DYRK1A: variants seen among roughly 807,000 people sequenced by gnomAD.
The protein encoded by DYRK1A is dual specificity tyrosine-phosphorylation-regulated kinase 1A.
A neutral mutation model predicts 79.7 loss-of-function variants in DYRK1A; 9 were observed. The observed-to-expected ratio is 0.11, with a 90% CI of 0.07 to 0.20. DYRK1A has a LOEUF of 0.20. Ranked by LOEUF, DYRK1A falls within the 10% of genes least tolerant of loss-of-function variation. The pLI is 1.00. For synonymous variants in DYRK1A, 349 were observed against 329.7 expected (o/e 1.06, Z -0.63); for missense variants, 622 against 956.0 (o/e 0.65, Z 4.61).
At chr21:37,440,195 G>C (rs148323707) in intron 2 of DYRK1A, among the ~76,000 whole-genome samples, 1,325 of 124,796 alleles carry the variant, frequency 0.011, 25 homozygotes, top group African/African-American at 0.036. Context: ...GAGTGCAGTG[G>C]TGTGATCTCG....
chr21:37,391,212 G>A (rs1047922761), intron 1 of DYRK1A, among the ~76,000 whole-genome samples: 4 of 152,178 alleles, frequency 2.6e-5, no homozygotes, highest in African/African-American at 9.7e-5. Context: ...GTGTGTGGGC[G>A]CTCCTCGGCT....
chr21:37,416,419 T>C (rs1464487708), intron 1 of DYRK1A, among the ~76,000 whole-genome samples: 2 of 150,080 alleles, frequency 1.3e-5, no homozygotes, highest in Non-Finnish European at 3.0e-5. Context: ...AATCCTCCTA[T>C]ATAACTGCTT....
rs867769868 is a variant in DYRK1A, at chr21:37,417,538, T to C, written c.-76-2761T>C. ...TTTTCTTTTTCTTTTTCTTTTTTTT[T>C]TTTTTTTTTTTTTTTTACAAATCTT... On this transcript the variant is annotated intron_variant, in intron 1 of 11. Coordinates refer to ENST00000647188, the MANE Select transcript of DYRK1A (RefSeq NM_001347721.2). Among the ~76,000 whole-genome samples, 797 of 99,852 alleles carry C rather than the reference T, an allele frequency of 8.0e-3. 9 individuals are homozygous for C. The highest frequency in any genetic ancestry group is 0.027 in the African/African-American group (745 of 27,468). 65.5% of individuals were successfully genotyped at this position (99,852 alleles called of 152,430 possible).
intron 1 of DYRK1A, among the ~76,000 whole-genome samples, chr21:37,401,238 A>G (rs917595459): frequency 5.3e-5 from 8 of 152,192 alleles, no homozygotes; most frequent in African/African-American, 1.9e-4. Flanking sequence ...AATATAGCCC[A>G]TTGTGAATAA....
chr21:37,454,219 A>G (rs1051401875), intron 2 of DYRK1A, among the ~76,000 whole-genome samples: 1 of 150,402 alleles, frequency 6.6e-6, no homozygotes, highest in Non-Finnish European at 1.5e-5. Flanking sequence ...CAGCCTGCCA[A>G]ATAGCTGGGA....
intron 2 of DYRK1A, among the ~76,000 whole-genome samples, chr21:37,450,841 C>G (rs930021648): frequency 6.6e-6 from 1 of 152,196 alleles, no homozygotes; most frequent in Non-Finnish European, 1.5e-5. Flanking sequence ...TGAGAGCATG[C>G]TGATGGCTTT....
chr21:37,460,274 C>T (rs2051796079), intron 2 of DYRK1A, among the ~76,000 whole-genome samples: 1 of 152,050 alleles, frequency 6.6e-6, no homozygotes. Context: ...TAAAAATCTC[C>T]TAATGGCAGA....
intron 2 of DYRK1A, among the ~76,000 whole-genome samples, chr21:37,451,746 C>G (rs1230077155): frequency 1.3e-5 from 2 of 152,128 alleles, no homozygotes; most frequent in African/African-American, 4.8e-5. Flanking sequence ...AATCGCCTGA[C>G]AGTGAATTTC....
intron 2 of DYRK1A, among the ~76,000 whole-genome samples, chr21:37,471,615 A>G (rs1453322169): frequency 2.0e-5 from 3 of 152,222 alleles, no homozygotes; most frequent in Non-Finnish European, 4.4e-5. Context: ...TATTATCATT[A>G]TCAGGATATT....
Position 37,437,599 on chromosome 21 carries a change from A to G in DYRK1A, c.10+17215A>G, listed in dbSNP as rs2148468427. Among the ~76,000 whole-genome samples the G allele has an allele frequency of 1.3e-5, 2 of 152,352 alleles. 1 individual carries two copies. Among genetic ancestry groups the G allele is most frequent in the East Asian group, 3.9e-4 (2 of 5,186 alleles). On this transcript the variant is annotated intron_variant, in intron 2 of 11. Coordinates refer to ENST00000647188, the MANE Select transcript of DYRK1A (RefSeq NM_001347721.2). Reference sequence around the variant, plus strand: ...GAAGATTTATTACTTCACTTGTTCCAGAATTTTATATAAACAGGATTATAT... The same window carrying G: ...GAAGATTTATTACTTCACTTGTTCCGGAATTTTATATAAACAGGATTATAT...
At chr21:37,511,832 T>A in intron 11 of DYRK1A, 79 bp from the exon 12 acceptor site, 2 of 1,478,108 alleles carry the variant, frequency 1.4e-6, no homozygotes, top group South Asian at 2.6e-5. Flanking sequence ...GCTAGTTTGT[T>A]AGTGTCATGG....
chr21:37,509,518 C>G (rs1192305537), intron 11 of DYRK1A, among the ~76,000 whole-genome samples: 1 of 152,206 alleles, frequency 6.6e-6, no homozygotes, highest in Non-Finnish European at 1.5e-5. Context: ...GTCATCACAG[C>G]TCACTGCAGC....
At chr21:37,475,986 A>G (rs1022367344) in intron 3 of DYRK1A, among the ~76,000 whole-genome samples, 1 of 152,342 alleles carries the variant, frequency 6.6e-6, no homozygotes. Context: ...TATTTTAGGC[A>G]TACCTCAATT....
At chr21:37,415,113 A>G (rs1247774965) in intron 1 of DYRK1A, among the ~76,000 whole-genome samples, 1 of 152,142 alleles carries the variant, frequency 6.6e-6, no homozygotes, top group African/African-American at 2.4e-5. Context: ...GGTACGTCCA[A>G]ATACTCAGTG....
chr21:37,368,870 C>T (rs774003494), intron 1 of DYRK1A, among the ~76,000 whole-genome samples: 2 of 152,114 alleles, frequency 1.3e-5, no homozygotes, highest in Non-Finnish European at 2.9e-5. Flanking sequence ...AGAGATGTGT[C>T]CCCGTAAGGT....
intron 3 of DYRK1A, among the ~76,000 whole-genome samples, chr21:37,473,500 T>C (rs1485331474): frequency 6.6e-6 from 1 of 152,196 alleles, no homozygotes; most frequent in Non-Finnish European, 1.5e-5. Context: ...CTGCACCGTC[T>C]ACGTTGAGTT....
At chr21:37,444,049 C>G (rs1004102191) in intron 2 of DYRK1A, among the ~76,000 whole-genome samples, 1 of 152,112 alleles carries the variant, frequency 6.6e-6, no homozygotes, top group Middle Eastern at 3.2e-3. Context: ...TGTTACACAC[C>G]TCCTTCTCTC....
At chr21:37,387,077 C>A (rs1433889256) in intron 1 of DYRK1A, among the ~76,000 whole-genome samples, 1 of 152,096 alleles carries the variant, frequency 6.6e-6, no homozygotes, top group Non-Finnish European at 1.5e-5. Context: ...GAGCACATGC[C>A]TAAATGGAGG....
intron 6 of DYRK1A, 29 bp downstream of exon 6, chr21:37,486,643 G>T: frequency 7.0e-7 from 1 of 1,430,138 alleles, no homozygotes; most frequent in Non-Finnish European, 9.2e-7. Flanking sequence ...AGCGCAGTGT[G>T]CCCCAACCCA....
Sources: gnomAD v4.1 joint callset for allele counts (sites outside exome capture counted in the v4.1 genomes callset) on GRCh38, gnomAD v4.1.1 for gene constraint, MANE v1.5 for transcripts, NCBI Gene and HGNC (gene_info 2026-07-23, HGNC 2026-07-21) for gene names.